Variants in INO80E observed in about 807,000 individuals in gnomAD.
The protein encoded by INO80E is INO80 complex subunit E, also known as coiled-coil domain containing 95.
INO80E carries 20 observed loss-of-function variants against 27.3 expected under a neutral mutation model. The ratio of observed to expected loss-of-function variants is 0.73; its 90% confidence interval spans 0.51 to 1.06. INO80E has a LOEUF of 1.06. Among genes scored for constraint, INO80E ranks in the 50% least tolerant of loss-of-function variants. INO80E has a pLI of 0.00. For missense variants in INO80E, 357 were observed against 322.8 expected (o/e 1.11, Z -0.81); for synonymous variants, 167 against 145.9 (o/e 1.14, Z -1.04).
chr16:29,996,274 G>T lies in INO80E; in HGVS notation c.-37G>T, dbSNP rs1213069868. ...CACGGCAGCCACTGCTTGGGGTAGCGGGAGGGCAGACTCTGGGCGCCACTC... is the reference window on the plus strand; with the variant it reads ...CACGGCAGCCACTGCTTGGGGTAGCTGGAGGGCAGACTCTGGGCGCCACTC... On this transcript the variant is annotated 5_prime_UTR_variant, in exon 1 of 7. Coordinates refer to ENST00000563197, the MANE Select transcript of INO80E (RefSeq NM_173618.3). 1 of 1,555,160 alleles carries T rather than the reference G, an allele frequency of 6.4e-7. No homozygotes were observed. Among genetic ancestry groups the T allele is most frequent in the South Asian group, 1.2e-5 (1 of 85,218 alleles).
At chr16:30,004,726 A>G (rs989408893) in intron 6 of INO80E, 3 of 155,930 alleles carry the variant, frequency 1.9e-5, no homozygotes, top group Non-Finnish European at 4.3e-5. Context: ...CATCCAAGAC[A>G]TAATACAAGC....
intron 5 of INO80E, 186 bp from the exon 6 acceptor site, chr16:30,001,228 G>A: frequency 6.7e-7 from 1 of 1,491,332 alleles, no homozygotes. Flanking sequence ...GGCCAGGCCT[G>A]ACTGAGGAGA....
At position 30,005,565 on chromosome 16, in the gene INO80E, C is replaced by A; in HGVS notation, c.*123C>A. 1.0e-6 allele frequency: 1 copy of A among 983,906 alleles called. No individual in the cohort carries two copies. The highest frequency in any genetic ancestry group is 1.5e-6 in the Non-Finnish European group (1 of 653,844). The allele number at this position is 983,906 out of a possible 1,614,324, so 60.9% of individuals were successfully genotyped here. A position where few individuals can be genotyped will look rare whatever the true frequency, so the allele number is the denominator to read the frequency against. ...AGCTGCCATGCTCCGGCCACTGACACAACCAGAAAAGGCGTAAACATGCAC... is the reference window on the plus strand; with the variant it reads ...AGCTGCCATGCTCCGGCCACTGACAAAACCAGAAAAGGCGTAAACATGCAC... On this transcript the variant is annotated 3_prime_UTR_variant, in exon 7 of 7. Transcript: ENST00000563197.
intron 3 of INO80E, among the ~76,000 whole-genome samples, chr16:29,997,923 T>TA (rs903843034): frequency 6.7e-5 from 10 of 150,300 alleles, no homozygotes; most frequent in Non-Finnish European, 1.2e-4. Context: ...CCATCTCAAT[T>TA]AAAAAAAAAT....
At chr16:30,004,355 G>C (rs2070461533) in intron 6 of INO80E, 1 of 152,618 alleles carries the variant, frequency 6.6e-6, no homozygotes, top group African/African-American at 2.4e-5. Flanking sequence ...GACCCACAGA[G>C]CTCTCTAGGG....
intron 6 of INO80E, 97 bp downstream of exon 6, chr16:30,001,627 A>G: frequency 2.5e-6 from 3 of 1,197,282 alleles, no homozygotes; most frequent in Non-Finnish European, 3.6e-6. Flanking sequence ...AACCATGAAC[A>G]GTTAATTTGG....
In INO80E at chr16:29,996,815, C is replaced by G. The variant is rs1367130142; in HGVS notation, c.160C>G (p.Leu54Val). 6.2e-7 allele frequency: 1 copy of G among 1,614,148 alleles called. No individual in the cohort carries two copies. The change falls in exon 3 of 7, where the codon CTA becomes GTA. Residue 54 changes from leucine to valine, a missense_variant. Physicochemically the swap from Leu to Val is conservative, Grantham distance 32. Transcript: ENST00000563197. The part of the protein sequence containing the change: ...LKVSRDKSFL[L>V]DRLLQYENVD... ...CTCCTTCCCTCCCCTCAGTTTCCTC[C>G]TAGACCGACTTCTGCAGTACGAGAA...
intron 5 of INO80E, 27 bp from the exon 6 acceptor site, chr16:30,001,387 C>T: frequency 1.3e-6 from 2 of 1,562,184 alleles, no homozygotes; most frequent in Non-Finnish European, 1.7e-6. Context: ...TTCCGCCTCC[C>T]ATCTCCATCC....
intron 6 of INO80E, among the ~76,000 whole-genome samples, chr16:30,005,001 C>G (rs566001902): frequency 1.3e-5 from 2 of 152,140 alleles, no homozygotes; most frequent in Non-Finnish European, 2.9e-5. Context: ...TGAGACACCC[C>G]CATCCCCTCA....
chr16:30,000,806 CCAA>C lies in INO80E; in HGVS notation c.255_257del (p.Lys86del). 1 of 1,614,160 alleles carries C rather than the reference CCAA, an allele frequency of 6.2e-7. No individual in the cohort carries two copies. Among genetic ancestry groups the C allele is most frequent in the Non-Finnish European group, 8.5e-7 (1 of 1,180,008 alleles). ...GATAACAGCGAGACGGAGGGGACAC[CCAA>C]GTTGTCTGACACACCGGCCCCTAAG... On this transcript the variant is annotated inframe_deletion, in exon 4 of 7. Coordinates refer to ENST00000563197, the MANE Select transcript of INO80E (RefSeq NM_173618.3).
Position 29,996,615 on chromosome 16 carries a change from G to A in INO80E, c.150G>A (p.Lys50=), listed in dbSNP as rs1226065150. The A allele has an allele frequency of 4.4e-6, 7 of 1,581,630 alleles. No homozygotes were observed. Among genetic ancestry groups the A allele is most frequent in the Non-Finnish European group, 6.0e-6 (7 of 1,163,660 alleles). Reference sequence around the variant, plus strand: ...AATTACTGAAGGTGTCCCGGGACAAGAGGTGAGGCACGTTGCAGGGGCGGA... The same window carrying A: ...AATTACTGAAGGTGTCCCGGGACAAAAGGTGAGGCACGTTGCAGGGGCGGA... The part of the protein sequence containing the change: ...QRKLLKVSRD[K]SFLLDRLLQY... Residue 50 remains lysine (K), a splice_region_variant and synonymous_variant, in exon 2 of 7, where the codon AAG becomes AAA. Coordinates refer to ENST00000563197, the MANE Select transcript of INO80E (RefSeq NM_173618.3).
At chr16:30,001,147 C>A in intron 5 of INO80E, 107 bp downstream of exon 5, 2 of 1,469,984 alleles carry the variant, frequency 1.4e-6, no homozygotes, top group South Asian at 2.8e-5. Context: ...GGACATCTGT[C>A]TGGGTGTGGC....
chr16:29,999,196 C>T (rs1372474678), intron 3 of INO80E: 1 of 152,218 alleles, frequency 6.6e-6, no homozygotes, highest in Admixed American at 6.5e-5. Context: ...TAGGCAGGGG[C>T]CCACTCAGGT....
At chr16:30,001,748 T>TA in intron 6 of INO80E, 1 of 515,052 alleles carries the variant, frequency 1.9e-6, no homozygotes, top group South Asian at 2.8e-5. Flanking sequence ...GGTGTGCAGA[T>TA]GCCAGGGATC....
rs1351146986 is a variant in INO80E at position 29,996,569 on chromosome 16, A to T, written c.104A>T (p.Glu35Val). Residue 35 changes from glutamate (E) to valine (V), a missense_variant, in exon 2 of 7, where the codon GAG (glutamate) becomes GTG (valine). Physicochemically the swap from Glu to Val is moderately radical, Grantham distance 121. Coordinates refer to ENST00000563197, the MANE Select transcript of INO80E (RefSeq NM_173618.3). ...LIYEHECFQE[E>V]LRKAQRKLLK... ...CAGGAGCACGAGTGCTTCCAGGAGG[A>T]GCTGAGGAAAGCGCAAAGGAAATTA... 1 of 1,570,708 alleles carries T rather than the reference A, an allele frequency of 6.4e-7. No individual in the cohort carries two copies. Among genetic ancestry groups the T allele is most frequent in the South Asian group, 1.2e-5 (1 of 85,478 alleles).
chr16:29,998,670 G>A (rs1425849909), intron 3 of INO80E, among the ~76,000 whole-genome samples: 1 of 152,122 alleles, frequency 6.6e-6, no homozygotes, highest in African/African-American at 2.4e-5. Flanking sequence ...AAAGCCCTAA[G>A]GTAGGCATTT....
At chr16:30,000,673 C>A in intron 3 of INO80E, 85 bp from the exon 4 acceptor site, 1 of 1,103,754 alleles carries the variant, frequency 9.1e-7, no homozygotes, top group Non-Finnish European at 1.4e-6. Context: ...TCTTCCAGTG[C>A]CCTTCTGTAG....
rs150020641 is a variant in INO80E, at chr16:30,005,463, C to T, written c.*21C>T. On this transcript the variant is annotated 3_prime_UTR_variant, in exon 7 of 7. Transcript: ENST00000563197. ...AGTGACCGTGACATCACGCCATGCC[C>T]ACCACGGCCCCGCCCGGCGCCCTCC... 1.7e-4 allele frequency: 273 copies of T among 1,575,946 alleles called. 2 individuals carry two copies. The African/African-American group carries it at 2.8e-3, about 16-fold the overall frequency.
At position 30,005,319 on chromosome 16, in the gene INO80E, A is replaced by AACCCCCCCCCC; in HGVS notation, c.612_613insACCCCCCCCCC (p.Pro205ThrfsTer14). On this transcript the variant is annotated frameshift_variant, in exon 7 of 7. Coordinates refer to ENST00000563197, the MANE Select transcript of INO80E (RefSeq NM_173618.3). LOFTEE classifies it high-confidence loss of function. ...TCGGGACAACCCTGACCCCCCTCCCACCCCCTAAGATGCCCCCCCCCACGA... is the reference window on the plus strand; with the variant it reads ...TCGGGACAACCCTGACCCCCCTCCCAACCCCCCCCCCCCCCCTAAGATGCCCCCCCCCACGA... 3.6e-6 allele frequency: 1 copy of AACCCCCCCCCC among 280,394 alleles called. No homozygotes were observed. The highest frequency in any genetic ancestry group is 5.2e-6 in the Non-Finnish European group (1 of 190,692). The allele number at this position is 280,394 out of a possible 1,614,324, so 17.4% of individuals were successfully genotyped here.
Sources: allele counts gnomAD v4.1 joint callset (sites outside exome capture counted in the v4.1 genomes callset), GRCh38; gene constraint gnomAD v4.1.1; transcripts MANE v1.5; gene names NCBI Gene and HGNC (gene_info 2026-07-23, HGNC 2026-07-21).